PCCA: variants seen among roughly 807,000 people sequenced by gnomAD.
PCCA encodes propionyl-CoA carboxylase subunit alpha, also known as propionyl-CoA carboxylase alpha chain, mitochondrial.
In PCCA, 74 loss-of-function variants were observed where a neutral mutation model predicts 101.3. That is an observed-to-expected ratio of 0.73 (90% confidence interval 0.61 to 0.89). The LOEUF (loss-of-function observed/expected upper bound fraction) is 0.89. Among genes scored for constraint, PCCA ranks in the 40% least tolerant of loss-of-function variants. PCCA has a pLI of 0.00. For missense variants in PCCA, 891 were observed against 907.0 expected, an observed-to-expected ratio of 0.98 and a Z score of 0.23; for synonymous variants, 294 against 313.6, an observed-to-expected ratio of 0.94 and a Z score of 0.66.
rs116186701 is a variant in PCCA at position 100,372,069 on chromosome 13, G to A, written c.1746+3495G>A. On this transcript the variant is annotated intron_variant, in intron 19 of 23. Coordinates refer to ENST00000376285, the MANE Select transcript of PCCA (RefSeq NM_000282.4). ...AGAAGAAAACACAGGGGAAGGCTGCGCACAGTGGCTCATGCCTGTAATCTC... is the reference window on the plus strand; with the variant it reads ...AGAAGAAAACACAGGGGAAGGCTGCACACAGTGGCTCATGCCTGTAATCTC... Among the ~76,000 whole-genome samples the A allele has an allele frequency of 4.6e-5, 7 of 152,194 alleles. No homozygotes were observed. The East Asian group carries it at 5.8e-4, about 13-fold the overall frequency.
At chr13:100,267,599 C>T (rs1376963160) in intron 10 of PCCA, among the ~76,000 whole-genome samples, 2 of 152,064 alleles carry the variant, frequency 1.3e-5, no homozygotes, top group Non-Finnish European at 2.9e-5. Context: ...GGTCTTTGGG[C>T]TTCTAAAACA....
At chr13:100,405,549 C>T (rs183807135) in intron 19 of PCCA, among the ~76,000 whole-genome samples, 155 of 152,136 alleles carry the variant, frequency 1.0e-3, no homozygotes, top group Non-Finnish European at 1.4e-3. Context: ...TATTCTTTGC[C>T]TGAATATTTG....
Position 100,256,737 on chromosome 13 carries a change from G to A in PCCA, c.638-858G>A, listed in dbSNP as rs568875292. ...GAAGGATCCTGTAAGGGCTCACTGA[G>A]CTCTTTTTTCTTCAGAAAAGATCAT... On this transcript the variant is annotated intron_variant, in intron 8 of 23. Coordinates refer to ENST00000376285, the MANE Select transcript of PCCA (RefSeq NM_000282.4). 5.9e-5 allele frequency among the ~76,000 whole-genome samples: 9 copies of A among 152,224 alleles called. No individual in the cohort carries two copies. The East Asian group carries it at 1.7e-3, about 29-fold the overall frequency.
chr13:100,270,160 A>G (rs905178894), intron 11 of PCCA, among the ~76,000 whole-genome samples: 1 of 152,244 alleles, frequency 6.6e-6, no homozygotes, highest in African/African-American at 2.4e-5. Flanking sequence ...AGGAAGAAGA[A>G]AAGCCAAAGG....
chr13:100,194,612 G>A (rs1197100162), intron 6 of PCCA, among the ~76,000 whole-genome samples: 5 of 152,056 alleles, frequency 3.3e-5, no homozygotes, highest in African/African-American at 9.7e-5. Context: ...TTAGAGACGG[G>A]GTTTCACCAT....
intron 6 of PCCA, chr13:100,161,294 A>G (rs758337252): frequency 6.6e-6 from 1 of 152,192 alleles, no homozygotes; most frequent in Non-Finnish European, 1.5e-5. Flanking sequence ...ATTTGCTAGT[A>G]TTTATCAAAA....
intron 21 of PCCA, among the ~76,000 whole-genome samples, chr13:100,508,538 T>C (rs1329086397): frequency 6.6e-6 from 1 of 152,256 alleles, no homozygotes; most frequent in African/African-American, 2.4e-5. Context: ...CATTATCAAT[T>C]GTGTGTCACT....
rs546066706 is a variant in PCCA at position 100,469,170 on chromosome 13, C to T, written c.1899+19865C>T. 3.0e-5 allele frequency among the ~76,000 whole-genome samples: 4 copies of T among 131,746 alleles called. 1 individual carries two copies. The highest frequency in any genetic ancestry group is 1.1e-4 in the African/African-American group (4 of 36,214). The allele number at this position is 131,746 out of a possible 152,430, so 86.4% of individuals were successfully genotyped here. On this transcript the variant is annotated intron_variant, in intron 21 of 23. Transcript: ENST00000376285. ...AGGTTGTGGTGAGCAAAGATTGCGCCATTGCACTCCAGCCTGGGCAACAAG... is the reference window on the plus strand; with the variant it reads ...AGGTTGTGGTGAGCAAAGATTGCGCTATTGCACTCCAGCCTGGGCAACAAG...
chr13:100,351,445 G>A (rs763370588), intron 18 of PCCA, among the ~76,000 whole-genome samples: 3 of 151,864 alleles, frequency 2.0e-5, no homozygotes, highest in Non-Finnish European at 4.4e-5. Context: ...TTCTCTGTTC[G>A]TATATATGAA....
At chr13:100,290,258 C>G (rs965119645) in intron 12 of PCCA, among the ~76,000 whole-genome samples, 4 of 152,044 alleles carry the variant, frequency 2.6e-5, no homozygotes, top group Non-Finnish European at 5.9e-5. Context: ...GTCACCCAGG[C>G]TGGAGTGCAG....
chr13:100,301,660 T>C, intron 13 of PCCA, 57 bp downstream of exon 13: 1 of 1,579,188 alleles, frequency 6.3e-7, no homozygotes, highest in Admixed American at 1.7e-5. Flanking sequence ...TCATGAGACC[T>C]GGTATAGCCA....
intron 18 of PCCA, among the ~76,000 whole-genome samples, chr13:100,358,279 A>AACATGATGAGTGAAGTCTGACAACATC (rs2074160651): frequency 6.6e-6 from 1 of 152,220 alleles, no homozygotes; most frequent in Admixed American, 6.5e-5. Flanking sequence ...AGAGGGAGAT[A>AACATGATGAGTGAAGTCTGACAACATC]ACATGATGAG....
At chr13:100,151,187 T>C (rs1566585325) in intron 4 of PCCA, 1 of 713,234 alleles carries the variant, frequency 1.4e-6, no homozygotes, top group Non-Finnish European at 2.3e-6. Context: ...TTCTCAGTCC[T>C]GTAAGATGAA....
intron 4 of PCCA, among the ~76,000 whole-genome samples, chr13:100,113,292 A>G (rs2048495139): frequency 6.6e-6 from 1 of 152,180 alleles, no homozygotes; most frequent in African/African-American, 2.4e-5. Context: ...AAACACAGAA[A>G]AGGTACAGTA....
intron 19 of PCCA, among the ~76,000 whole-genome samples, chr13:100,383,365 G>A (rs1012923303): frequency 1.3e-5 from 2 of 152,012 alleles, no homozygotes; most frequent in African/African-American, 4.8e-5. Flanking sequence ...CGTGGCTCAC[G>A]CCTGTAATCC....
chr13:100,183,893 C>G (rs1043176386), intron 6 of PCCA, among the ~76,000 whole-genome samples: 2 of 152,134 alleles, frequency 1.3e-5, no homozygotes, highest in African/African-American at 4.8e-5. Context: ...TTTTTCTGCC[C>G]TTTTCCTCAA....
chr13:100,449,688 C>A (rs952393073), intron 21 of PCCA, among the ~76,000 whole-genome samples: 1 of 152,174 alleles, frequency 6.6e-6, no homozygotes, highest in African/African-American at 2.4e-5. Flanking sequence ...TGAGGTTTCA[C>A]CATGTTGGCC....
At chr13:100,348,239 A>G (rs765279550) in intron 18 of PCCA, among the ~76,000 whole-genome samples, 29 of 152,132 alleles carry the variant, frequency 1.9e-4, no homozygotes, top group African/African-American at 3.6e-4. Flanking sequence ...TATTTTCCCA[A>G]TTTCTCTATG....
chr13:100,254,947 G>A (rs1299134962), intron 8 of PCCA, among the ~76,000 whole-genome samples: 3 of 152,076 alleles, frequency 2.0e-5, no homozygotes, highest in East Asian at 3.9e-4. Context: ...TTAGCTGGGT[G>A]TGTTGGGGTG....
Sources: allele counts gnomAD v4.1 joint callset (sites outside exome capture counted in the v4.1 genomes callset), GRCh38; gene constraint gnomAD v4.1.1; transcripts MANE v1.5; gene names NCBI Gene and HGNC (gene_info 2026-07-23, HGNC 2026-07-21).